The following ZNF516 variants were observed in gnomAD, a reference collection of about 807,000 sequenced individuals.
ZNF516 encodes the protein zinc finger protein 516.
ZNF516 carries 19 observed loss-of-function variants against 79.7 expected under a neutral mutation model. That is an observed-to-expected ratio of 0.24 (90% CI 0.17 to 0.35). The LOEUF is 0.35. Ranked by LOEUF, ZNF516 falls within the 10% of genes least tolerant of loss-of-function variation. ZNF516 has a pLI of 1.00. For synonymous variants in ZNF516, 877 were observed against 739.5 expected, an observed-to-expected ratio of 1.19 and a Z score of -3.02; for missense variants, 1,678 against 1,679.5, an observed-to-expected ratio of 1.00 and a Z score of 0.02.
intron 4 of ZNF516, among the ~76,000 whole-genome samples, chr18:76,373,168 A>G (rs1368812526): frequency 6.6e-6 from 1 of 151,980 alleles, no homozygotes; most frequent in African/African-American, 2.4e-5. Context: ...GAAAGAAAAG[A>G]AAGAGGAAAA....
intron 3 of ZNF516, among the ~76,000 whole-genome samples, chr18:76,397,055 A>T (rs1243734820): frequency 6.6e-6 from 1 of 152,250 alleles, no homozygotes; most frequent in East Asian, 1.9e-4. Flanking sequence ...GGAGCACAGA[A>T]AAGCCGGGGG....
intron 4 of ZNF516, among the ~76,000 whole-genome samples, chr18:76,377,221 A>T (rs915901633): frequency 6.6e-6 from 1 of 152,196 alleles, no homozygotes; most frequent in Non-Finnish European, 1.5e-5. Context: ...GAAGATGAGG[A>T]TCTAAGACCA....
intron 1 of ZNF516, among the ~76,000 whole-genome samples, chr18:76,482,179 T>G (rs1448488296): frequency 2.6e-5 from 4 of 152,166 alleles, no homozygotes; most frequent in Non-Finnish European, 5.9e-5. Context: ...AACGGCCATG[T>G]TTTGCTTTTT....
At chr18:76,374,449 G>T (rs1451809604) in intron 4 of ZNF516, among the ~76,000 whole-genome samples, 2 of 152,312 alleles carry the variant, frequency 1.3e-5, no homozygotes, top group African/African-American at 4.8e-5. Context: ...GGTAGCAATA[G>T]TTCTTTCCTT....
intron 4 of ZNF516, among the ~76,000 whole-genome samples, chr18:76,372,015 C>A (rs1175105534): frequency 6.6e-6 from 1 of 152,180 alleles, no homozygotes; most frequent in Non-Finnish European, 1.5e-5. Flanking sequence ...CCTGGGAGAC[C>A]CACGCAGAGT....
At chr18:76,474,380 A>T (rs1031024182) in intron 1 of ZNF516, among the ~76,000 whole-genome samples, 6 of 152,214 alleles carry the variant, frequency 3.9e-5, no homozygotes, top group Non-Finnish European at 8.8e-5. Context: ...AGGTCCCAGG[A>T]GCTCCATAAT....
intron 6 of ZNF516, among the ~76,000 whole-genome samples, chr18:76,364,651 A>T (rs958718948): frequency 6.6e-6 from 1 of 152,184 alleles, no homozygotes; most frequent in African/African-American, 2.4e-5. Flanking sequence ...ATGTGTATGT[A>T]GTGGTGGGTG....
chr18:76,435,027 G>T (rs1404659092), intron 3 of ZNF516, among the ~76,000 whole-genome samples: 1 of 152,224 alleles, frequency 6.6e-6, no homozygotes, highest in Non-Finnish European at 1.5e-5. Flanking sequence ...TGGGGCAAAA[G>T]CCAACCCTGC....
At chr18:76,461,843 C>T (rs1032601929) in intron 2 of ZNF516, among the ~76,000 whole-genome samples, 3 of 152,206 alleles carry the variant, frequency 2.0e-5, no homozygotes, top group Admixed American at 6.5e-5. Flanking sequence ...CCCGAGTGCC[C>T]GCCATGGGCC....
At chr18:76,384,779 A>G (rs1174590840) in intron 3 of ZNF516, among the ~76,000 whole-genome samples, 2 of 152,046 alleles carry the variant, frequency 1.3e-5, no homozygotes, top group South Asian at 4.2e-4. Context: ...AGTCTGCAAG[A>G]AAAAGCACTT....
intron 6 of ZNF516, among the ~76,000 whole-genome samples, chr18:76,368,837 G>C (rs2074659069): frequency 6.6e-6 from 1 of 152,140 alleles, no homozygotes; most frequent in African/African-American, 2.4e-5. Context: ...TAAATGATTT[G>C]CTTTTTGATC....
At chr18:76,378,075 T>A (rs563134003) in intron 4 of ZNF516, 1 of 152,340 alleles carries the variant, frequency 6.6e-6, no homozygotes, top group African/African-American at 2.4e-5. Context: ...ACTGAGAGAC[T>A]CTGTTTTGTT....
At chr18:76,483,343 T>C (rs921138568) in intron 1 of ZNF516, among the ~76,000 whole-genome samples, 6 of 152,032 alleles carry the variant, frequency 3.9e-5, no homozygotes, top group African/African-American at 1.4e-4. Flanking sequence ...CCCCAACACC[T>C]CCTCTTTGTG....
At chr18:76,474,732 C>A (rs1914078008) in intron 1 of ZNF516, among the ~76,000 whole-genome samples, 1 of 151,806 alleles carries the variant, frequency 6.6e-6, no homozygotes, top group African/African-American at 2.4e-5. Flanking sequence ...TATGATAACC[C>A]CAATGAATGA....
chr18:76,438,172 G>A (rs894516659), intron 3 of ZNF516, among the ~76,000 whole-genome samples: 2 of 152,234 alleles, frequency 1.3e-5, no homozygotes, highest in African/African-American at 4.8e-5. Flanking sequence ...AGGATGGCAC[G>A]AACTCTGACA....
At chr18:76,474,442 A>T (rs1260146425) in intron 1 of ZNF516, among the ~76,000 whole-genome samples, 2 of 152,224 alleles carry the variant, frequency 1.3e-5, no homozygotes, top group Non-Finnish European at 2.9e-5. Context: ...CAACACTCAT[A>T]GAAGTTCAGC....
rs1295903566 is a variant in ZNF516, at chr18:76,467,970, C to T, written c.-271-4829G>A. Among the ~76,000 whole-genome samples, 2 of 152,190 alleles carry T rather than the reference C, an allele frequency of 1.3e-5. No individual in the cohort carries two copies. The highest frequency in any genetic ancestry group is 2.9e-5 in the Non-Finnish European group (2 of 68,038). ...TTGCAAGCAAAGAGTAGCTGCGGCG[C>T]ATTCCAGACCTCCCTACGGACAGCA... On this transcript the variant is annotated intron_variant, in intron 1 of 6. Coordinates refer to ENST00000443185, the MANE Select transcript of ZNF516 (RefSeq NM_014643.4). The surrounding 1 kb of genome is among the most constrained non-coding windows in gnomAD (Gnocchi z 4.2).
intron 3 of ZNF516, among the ~76,000 whole-genome samples, chr18:76,392,496 G>A (rs966468331): frequency 3.6e-5 from 5 of 139,646 alleles, no homozygotes; most frequent in Non-Finnish European, 6.2e-5. Context: ...GGCCAGCTGG[G>A]AAGGCAGGTG....
chr18:76,395,900 C>A (rs944472800), intron 3 of ZNF516, among the ~76,000 whole-genome samples: 2 of 152,188 alleles, frequency 1.3e-5, no homozygotes, highest in Non-Finnish European at 2.9e-5. Context: ...CAGCTCCCCA[C>A]ACCGCGAGCT....
Sources: allele counts gnomAD v4.1 joint callset (sites outside exome capture counted in the v4.1 genomes callset), GRCh38; gene constraint gnomAD v4.1.1; non-coding constraint Gnocchi (gnomAD v3.1); transcripts MANE v1.5; gene names NCBI Gene and HGNC (gene_info 2026-07-23, HGNC 2026-07-21).